The following DICER1 variants were observed in gnomAD, a reference collection of about 807,000 sequenced individuals.
DICER1 encodes the protein dicer 1, ribonuclease III, also known as endoribonuclease Dicer.
In DICER1, 43 loss-of-function variants were observed where a neutral mutation model predicts 194.1. That is an observed-to-expected ratio of 0.22 (90% CI 0.17 to 0.29). DICER1 has a LOEUF of 0.29. Ranked by LOEUF, DICER1 falls within the 10% of genes least tolerant of loss-of-function variation. DICER1 has a pLI of 1.00. For missense variants in DICER1, 1,608 were observed against 2,317.0 expected, an observed-to-expected ratio of 0.69 and a Z score of 6.28; for synonymous variants, 832 against 820.5, an observed-to-expected ratio of 1.01 and a Z score of -0.24.
intron 6 of DICER1, 56 bp from the exon 7 acceptor site, chr14:95,126,804 A>G (rs1440762718): frequency 5.6e-6 from 7 of 1,249,506 alleles, no homozygotes; most frequent in Non-Finnish European, 7.9e-6. Flanking sequence ...TGCAATTTAA[A>G]AAAAGTTTTT....
In DICER1 at chr14:95,124,053, C is replaced by CA. The variant is rs1893165749; in HGVS notation, c.1376+142dup. ...ATCCTCTCTGTCAATCCCAGGACAGCATGACGTATCAGCAATGATGGCGCC... is the reference window on the plus strand; with the variant it reads ...ATCCTCTCTGTCAATCCCAGGACAGCAATGACGTATCAGCAATGATGGCGCC... On this transcript the variant is annotated intron_variant, in intron 8 of 26. Transcript: ENST00000343455. The surrounding 1 kb of genome is among the most constrained non-coding windows in gnomAD (Gnocchi z 4.5). 3 of 665,790 alleles carry CA rather than the reference C, an allele frequency of 4.5e-6. No homozygotes were observed. The highest frequency in any genetic ancestry group is 4.8e-5 in the Admixed American group (2 of 41,842). The allele number at this position is 665,790 out of a possible 1,614,324, so 41.2% of individuals were successfully genotyped here.
chr14:95,118,289 C>A (rs534822837), intron 8 of DICER1, among the ~76,000 whole-genome samples: 15 of 152,330 alleles, frequency 9.8e-5, no homozygotes, highest in Admixed American at 9.1e-4. Flanking sequence ...ACAAATGTAA[C>A]AAGAGTTCCA....
At position 95,130,079 on chromosome 14, in the gene DICER1, G is replaced by A. The variant is rs148530092; in HGVS notation, c.552C>T (p.His184=). 1 of 1,613,408 alleles carries A rather than the reference G, an allele frequency of 6.2e-7. No homozygotes were observed. Among genetic ancestry groups the A allele is most frequent in the Non-Finnish European group, 8.5e-7 (1 of 1,179,672 alleles). ...FDECHLAILD[H]PYREIMKLCE... ...TTACCTTCATAATTTCTCGATAGGG[G>A]TGGTCTAGGATTGCAAGATGACACT... The change falls in exon 5 of 27, where the codon CAC becomes CAT. Residue 184 remains histidine (H), a synonymous_variant. Coordinates refer to ENST00000343455, the MANE Select transcript of DICER1 (RefSeq NM_177438.3).
intron 4 of DICER1, 75 bp from the exon 5 acceptor site, chr14:95,130,267 G>A (rs1208590088): frequency 7.0e-7 from 1 of 1,421,918 alleles, no homozygotes; most frequent in South Asian, 1.2e-5. Flanking sequence ...TCAGATCATA[G>A]AGCCATTGTA....
intron 1 of DICER1, among the ~76,000 whole-genome samples, chr14:95,152,350 T>C (rs1895568898): frequency 6.6e-6 from 1 of 152,248 alleles, no homozygotes; most frequent in Admixed American, 6.5e-5. Context: ...ATAATCTTTT[T>C]AAAAGCCTTA....
chr14:95,136,244 T>C (rs531771759), intron 1 of DICER1, among the ~76,000 whole-genome samples: 12 of 152,230 alleles, frequency 7.9e-5, no homozygotes, highest in Non-Finnish European at 1.5e-4. Flanking sequence ...CATTCCTTTA[T>C]GTATTCAAAA....
chr14:95,115,912 A>C, intron 10 of DICER1, 91 bp from the exon 11 acceptor site: 1 of 1,285,286 alleles, frequency 7.8e-7, no homozygotes, highest in Non-Finnish European at 1.1e-6. Flanking sequence ...AACTCTCCTG[A>C]AAATATCTCT....
chr14:95,118,955 G>A (rs528268305), intron 8 of DICER1, among the ~76,000 whole-genome samples: 65 of 152,214 alleles, frequency 4.3e-4, no homozygotes, highest in African/African-American at 1.5e-3. Context: ...TACAGTTCAC[G>A]TACTTAAATA....
At position 95,124,475 on chromosome 14, in the gene DICER1, G is replaced by A. The variant is rs774693190; in HGVS notation, c.1097C>T (p.Ala366Val). 1 of 1,614,136 alleles carries A rather than the reference G, an allele frequency of 6.2e-7. No individual in the cohort carries two copies. Among genetic ancestry groups the A allele is most frequent in the South Asian group, 1.1e-5 (1 of 91,086 alleles). The change falls in exon 8 of 27, where the codon GCC (alanine) becomes GTC (valine). Residue 366 changes from alanine (A) to valine (V), a missense_variant. Ala to Val is a moderately conservative substitution (Grantham distance 64, BLOSUM62 0). Around this residue, in one of 10 missense-constraint regions of DICER1, gnomAD observed 657 missense variants for 910.1 expected, o/e 0.72. Coordinates refer to ENST00000343455, the MANE Select transcript of DICER1 (RefSeq NM_177438.3). The surrounding 1 kb of genome is among the most constrained non-coding windows in gnomAD (Gnocchi z 4.5). ...AGTTACAAATTTCAGGTCAAGTGAG[G>A]CAGGTGAGAAGTGCTCTTCACATAG... ...HALCEEHFSP[A>V]SLDLKFVTPK...
At chr14:95,123,762 T>C (rs2140195639) in intron 8 of DICER1, among the ~76,000 whole-genome samples, 1 of 152,296 alleles carries the variant, frequency 6.6e-6, no homozygotes, top group East Asian at 1.9e-4. Flanking sequence ...ATTAAAAAAT[T>C]AGTCACAATA....
At chr14:95,117,834 G>A in intron 8 of DICER1, 80 bp from the exon 9 acceptor site, 2 of 1,383,036 alleles carry the variant, frequency 1.4e-6, no homozygotes, top group African/African-American at 1.4e-5. Context: ...CCTTTAAAAT[G>A]GAAGTACATG....
chr14:95,133,602 CCATT>C (rs1395511923), intron 1 of DICER1, 99 bp from the exon 2 acceptor site: 12 of 891,472 alleles, frequency 1.3e-5, no homozygotes, highest in Non-Finnish European at 1.9e-5. Flanking sequence ...TTCCTATGAG[CCATT>C]CAAACTCTTC....
chr14:95,099,960 T>G (rs1364203692), intron 21 of DICER1, 25 bp from the exon 22 acceptor site: 6 of 1,613,284 alleles, frequency 3.7e-6, no homozygotes, highest in Non-Finnish European at 5.1e-6. Flanking sequence ...ATTAGGATAC[T>G]TATCCATAAA....
At chr14:95,133,218 G>T in intron 2 of DICER1, 97 bp downstream of exon 2, 1 of 1,323,530 alleles carries the variant, frequency 7.6e-7, no homozygotes, top group South Asian at 1.2e-5. Context: ...TGGGAGGCCT[G>T]AAAGGGTAAA....
At chr14:95,139,904 C>T (rs1462732238) in intron 1 of DICER1, among the ~76,000 whole-genome samples, 1 of 152,156 alleles carries the variant, frequency 6.6e-6, no homozygotes, top group Non-Finnish European at 1.5e-5. Flanking sequence ...CAGTAATGCA[C>T]TTTCTATTTA....
rs1889339669 is a variant in DICER1, at chr14:95,086,414, T to C, written c.*4084A>G. ...GTGATGGTAAATATTTTATTGTCAA[T>C]CAAATAATATGCATTAGTTTTACTT... On this transcript the variant is annotated 3_prime_UTR_variant, in exon 27 of 27. Coordinates refer to ENST00000343455, the MANE Select transcript of DICER1 (RefSeq NM_177438.3). 1 of 233,220 alleles carries C rather than the reference T, an allele frequency of 4.3e-6. No individual in the cohort carries two copies. Among genetic ancestry groups the C allele is most frequent in the South Asian group, 1.8e-4 (1 of 5,534 alleles). 14.4% of individuals were successfully genotyped at this position (233,220 alleles called of 1,614,324 possible). A position where few individuals can be genotyped will look rare whatever the true frequency, so the allele number is the denominator to read the frequency against.
chr14:95,128,789 G>C (rs1260190563), intron 6 of DICER1, among the ~76,000 whole-genome samples: 1 of 152,166 alleles, frequency 6.6e-6, no homozygotes, highest in African/African-American at 2.4e-5. Context: ...ACTGTCCTAA[G>C]AACCACCACT....
At chr14:95,108,617 TAAGAAAATA>T in intron 14 of DICER1, 114 bp from the exon 15 acceptor site, 5 of 978,040 alleles carry the variant, frequency 5.1e-6, no homozygotes, top group Non-Finnish European at 8.1e-6. Context: ...GAGAATAAGC[TAAGAAAATA>T]CCCGAGGCAT....
intron 14 of DICER1, among the ~76,000 whole-genome samples, chr14:95,109,151 A>G (rs1891729107): frequency 6.6e-6 from 1 of 152,220 alleles, no homozygotes; most frequent in Non-Finnish European, 1.5e-5. Flanking sequence ...AATATGAGCC[A>G]ATATCATCAT....
Sources: allele counts gnomAD v4.1 joint callset (sites outside exome capture counted in the v4.1 genomes callset), GRCh38; gene constraint gnomAD v4.1.1; regional missense constraint gnomAD v4.1.1; non-coding constraint Gnocchi (gnomAD v3.1); transcripts MANE v1.5; gene names NCBI Gene and HGNC (gene_info 2026-07-23, HGNC 2026-07-21).